Variants in DPYD observed in about 807,000 individuals in gnomAD.
DPYD encodes the protein dihydropyrimidine dehydrogenase [NADP(+)].
DPYD carries 109 observed loss-of-function variants against 116.2 expected under a neutral mutation model. The ratio of observed to expected loss-of-function variants is 0.94; its 90% CI spans 0.80 to 1.10. DPYD has a LOEUF of 1.10. Among genes scored for constraint, DPYD ranks in the 50% least tolerant of loss-of-function variants. The probability of loss-of-function intolerance (pLI) is 0.00; values close to 1 mark genes in which losing one functional copy is unlikely to be tolerated. For synonymous variants in DPYD, 440 were observed against 432.0 expected, an observed-to-expected ratio of 1.02 and a Z score of -0.23; for missense variants, 1,302 against 1,254.5, an observed-to-expected ratio of 1.04 and a Z score of -0.57.
At chr1:97,521,051 A>T (rs532458555) in intron 12 of DPYD, among the ~76,000 whole-genome samples, 1 of 152,180 alleles carries the variant, frequency 6.6e-6, no homozygotes, top group East Asian at 1.9e-4. Flanking sequence ...GAATCACCAC[A>T]CTGTCTTCCA....
chr1:97,238,736 C>G (rs993722239), intron 18 of DPYD, among the ~76,000 whole-genome samples: 5 of 152,202 alleles, frequency 3.3e-5, no homozygotes, highest in African/African-American at 1.2e-4. Context: ...GTGAGAAGTT[C>G]AAAGAATGTG....
chr1:97,701,368 AAAAT>A (rs756136560), intron 5 of DPYD, among the ~76,000 whole-genome samples: 1 of 151,762 alleles, frequency 6.6e-6, no homozygotes, highest in Middle Eastern at 3.4e-3. Flanking sequence ...AACTAAAAGT[AAAAT>A]AAATAAATCA....
At chr1:97,357,574 G>GT (rs1185132689) in intron 16 of DPYD, among the ~76,000 whole-genome samples, 2 of 152,106 alleles carry the variant, frequency 1.3e-5, no homozygotes, top group African/African-American at 4.8e-5. Context: ...TACAAATGCA[G>GT]TTTTGTTACA....
intron 3 of DPYD, among the ~76,000 whole-genome samples, chr1:97,770,739 T>C (rs894788691): frequency 6.6e-6 from 1 of 152,192 alleles, no homozygotes; most frequent in Non-Finnish European, 1.5e-5. Flanking sequence ...AATTTCATTG[T>C]AACAATTTAT....
intron 12 of DPYD, among the ~76,000 whole-genome samples, chr1:97,517,488 G>C (rs1362378207): frequency 6.6e-6 from 1 of 151,974 alleles, no homozygotes; most frequent in Non-Finnish European, 1.5e-5. Context: ...AAATTTCAAA[G>C]GAAGTATGGA....
At chr1:97,818,148 T>G (rs1204915819) in intron 3 of DPYD, among the ~76,000 whole-genome samples, 3 of 152,032 alleles carry the variant, frequency 2.0e-5, no homozygotes, top group Non-Finnish European at 4.4e-5. Flanking sequence ...AGATACATTC[T>G]GTATATCAAT....
chr1:97,437,061 T>C (rs1451859421), intron 14 of DPYD, among the ~76,000 whole-genome samples: 3 of 151,766 alleles, frequency 2.0e-5, no homozygotes. Context: ...TATACATACT[T>C]AAAGTATACA....
intron 9 of DPYD, among the ~76,000 whole-genome samples, chr1:97,594,779 T>C (rs1654761097): frequency 6.6e-6 from 1 of 152,176 alleles, no homozygotes; most frequent in Admixed American, 6.5e-5. Flanking sequence ...CAATGTTTGT[T>C]AAGGACTTGC....
At chr1:97,636,609 A>C (rs1212024552) in intron 8 of DPYD, among the ~76,000 whole-genome samples, 2 of 152,172 alleles carry the variant, frequency 1.3e-5, no homozygotes, top group Non-Finnish European at 2.9e-5. Flanking sequence ...GAAGACATAT[A>C]ATATGTGAAT....
At chr1:97,553,383 A>G (rs1651466397) in intron 11 of DPYD, among the ~76,000 whole-genome samples, 1 of 152,026 alleles carries the variant, frequency 6.6e-6, no homozygotes, top group African/African-American at 2.4e-5. Flanking sequence ...AAAGGAATTC[A>G]TTTATTTAGT....
At chr1:97,902,117 T>G (rs1673398245) in intron 1 of DPYD, among the ~76,000 whole-genome samples, 1 of 151,674 alleles carries the variant, frequency 6.6e-6, no homozygotes, top group African/African-American at 2.4e-5. Flanking sequence ...ATATAAGGCA[T>G]AAATATAGAG....
At chr1:97,418,306 A>ATT (rs71311934) in intron 14 of DPYD, among the ~76,000 whole-genome samples, 95 of 144,102 alleles carry the variant, frequency 6.6e-4, no homozygotes, top group Middle Eastern at 7.2e-3. Context: ...ATATAAGATG[A>ATT]TTTTTTTTTT....
chr1:97,427,996 G>C (rs999269074), intron 14 of DPYD, among the ~76,000 whole-genome samples: 2 of 152,066 alleles, frequency 1.3e-5, no homozygotes, highest in African/African-American at 4.8e-5. Context: ...AAATGGCTAA[G>C]TATTTATGGT....
At chr1:97,323,139 G>C (rs2101115874) in intron 16 of DPYD, among the ~76,000 whole-genome samples, 1 of 148,598 alleles carries the variant, frequency 6.7e-6, no homozygotes, top group South Asian at 2.1e-4. Context: ...GTGTGTTTAT[G>C]TATAGGCATA....
rs1662922554 is a variant in DPYD at position 97,721,498 on chromosome 1, T to G, written c.483+12A>C. On this transcript the variant is annotated intron_variant, in intron 5 of 22. Transcript: ENST00000370192. Reference sequence around the variant, plus strand: ...TGGTAGTGGGGGGATGTCACGTGTATATCATACATACCTCAGTAGCAAATT... The same window carrying G: ...TGGTAGTGGGGGGATGTCACGTGTAGATCATACATACCTCAGTAGCAAATT... 4 of 1,610,860 alleles carry G rather than the reference T, an allele frequency of 2.5e-6. No individual in the cohort carries two copies. The highest frequency in any genetic ancestry group is 2.7e-5 in the African/African-American group (2 of 74,842).
At chr1:97,084,124 C>T (rs1028467603) in intron 21 of DPYD, among the ~76,000 whole-genome samples, 1 of 152,052 alleles carries the variant, frequency 6.6e-6, no homozygotes, top group Non-Finnish European at 1.5e-5. Flanking sequence ...ATTCAAAAAT[C>T]TGTTGAATTA....
intron 3 of DPYD, among the ~76,000 whole-genome samples, chr1:97,776,181 CACT>C (rs145636323): frequency 0.025 from 3,735 of 152,090 alleles, 168 homozygotes; most frequent in African/African-American, 0.086. Flanking sequence ...CTTTTTTCAC[CACT>C]GATTGTATTT....
chr1:97,520,821 C>T (rs1369848555), intron 12 of DPYD, among the ~76,000 whole-genome samples: 12 of 152,118 alleles, frequency 7.9e-5, no homozygotes, highest in Non-Finnish European at 1.6e-4. Context: ...CTTTTGGAGG[C>T]TGCGTAGTAT....
chr1:97,888,144 A>G (rs1196219468), intron 1 of DPYD, among the ~76,000 whole-genome samples: 1 of 152,108 alleles, frequency 6.6e-6, no homozygotes, highest in Middle Eastern at 3.2e-3. Flanking sequence ...ATATCCATAT[A>G]CAGATATAAA....
Sources: allele counts gnomAD v4.1 joint callset (sites outside exome capture counted in the v4.1 genomes callset), GRCh38; gene constraint gnomAD v4.1.1; transcripts MANE v1.5; gene names NCBI Gene and HGNC (gene_info 2026-07-23, HGNC 2026-07-21).